Variants in RORB observed in about 807,000 individuals in gnomAD.
The protein encoded by RORB is nuclear receptor ROR-beta.
Under a neutral mutation model 59.1 loss-of-function variants are expected in RORB, and 6 were observed. The ratio of observed to expected loss-of-function variants is 0.10; its 90% CI spans 0.06 to 0.20. RORB has a LOEUF of 0.20. Ranked by LOEUF, RORB falls within the 10% of genes least tolerant of loss-of-function variation. The pLI is 1.00. For missense variants in RORB, 320 were observed against 560.5 expected, an observed-to-expected ratio of 0.57 and a Z score of 4.33; for synonymous variants, 215 against 204.5, an observed-to-expected ratio of 1.05 and a Z score of -0.44.
At chr9:74,623,094 C>CA (rs1279961167) in intron 1 of RORB, among the ~76,000 whole-genome samples, 3 of 152,144 alleles carry the variant, frequency 2.0e-5, no homozygotes, top group Non-Finnish European at 4.4e-5. Context: ...TTGCTGGTTT[C>CA]AAAAAACTGC....
intron 1 of RORB, among the ~76,000 whole-genome samples, chr9:74,598,242 C>T (rs1423113012): frequency 6.6e-6 from 1 of 152,148 alleles, no homozygotes. Flanking sequence ...TCTAAGGCCA[C>T]TTACATCTCT....
intron 4 of RORB, among the ~76,000 whole-genome samples, chr9:74,657,140 G>T (rs1824096838): frequency 6.6e-6 from 1 of 152,186 alleles, no homozygotes; most frequent in Non-Finnish European, 1.5e-5. Flanking sequence ...CCGACTCCCT[G>T]CTTCAAGGGA....
intron 1 of RORB, among the ~76,000 whole-genome samples, chr9:74,610,180 C>A (rs1823213310): frequency 6.6e-6 from 1 of 152,168 alleles, no homozygotes; most frequent in Non-Finnish European, 1.5e-5. Flanking sequence ...TTTTACTGTA[C>A]CTCATAAAGA....
At chr9:74,632,024 A>G (rs559787261) in intron 2 of RORB, among the ~76,000 whole-genome samples, 2 of 152,312 alleles carry the variant, frequency 1.3e-5, no homozygotes, top group South Asian at 4.1e-4. Context: ...TGGTTTACAT[A>G]ATATCTACTA....
At chr9:74,554,874 T>C (rs1264382839) in intron 1 of RORB, among the ~76,000 whole-genome samples, 1 of 152,176 alleles carries the variant, frequency 6.6e-6, no homozygotes, top group Non-Finnish European at 1.5e-5. Context: ...AGCATCTCCT[T>C]TCTATAGTTG....
At chr9:74,573,117 G>A (rs1478097998) in intron 1 of RORB, among the ~76,000 whole-genome samples, 1 of 152,108 alleles carries the variant, frequency 6.6e-6, no homozygotes, top group Non-Finnish European at 1.5e-5. Flanking sequence ...AATTACTGAA[G>A]ACTAGACAGT....
chr9:74,648,461 T>C (rs1374024247), intron 4 of RORB, among the ~76,000 whole-genome samples: 1 of 152,214 alleles, frequency 6.6e-6, no homozygotes, highest in Non-Finnish European at 1.5e-5. Flanking sequence ...TGTGCATTAA[T>C]ATTCCCCCCT....
chr9:74,503,108 A>G (rs2118017147), intron 1 of RORB, among the ~76,000 whole-genome samples: 1 of 152,206 alleles, frequency 6.6e-6, no homozygotes, highest in Admixed American at 6.5e-5. Flanking sequence ...CTGTTATTCT[A>G]TCTATTCTTA....
chr9:74,685,230 G>A (rs561383678), intron 9 of RORB, among the ~76,000 whole-genome samples: 1 of 143,052 alleles, frequency 7.0e-6, no homozygotes, highest in African/African-American at 2.6e-5. Context: ...CAGGGATCTT[G>A]GTCCTGCTTG....
At chr9:74,566,901 G>A (rs975504463) in intron 1 of RORB, among the ~76,000 whole-genome samples, 10 of 152,248 alleles carry the variant, frequency 6.6e-5, no homozygotes, top group South Asian at 2.1e-4. Flanking sequence ...CCATACTGAC[G>A]TTGTCATTTG....
intron 1 of RORB, among the ~76,000 whole-genome samples, chr9:74,582,439 G>A (rs1272105782): frequency 6.6e-6 from 1 of 152,194 alleles, no homozygotes; most frequent in Non-Finnish European, 1.5e-5. Context: ...GATAAGGAAT[G>A]TGATTGTTAC....
chr9:74,561,243 G>A (rs1244262347), intron 1 of RORB, among the ~76,000 whole-genome samples: 2 of 151,992 alleles, frequency 1.3e-5, no homozygotes, highest in Non-Finnish European at 1.5e-5. Context: ...AATAATCATC[G>A]CTGCATTCTA....
At chr9:74,534,741 G>T (rs1225790147) in intron 1 of RORB, among the ~76,000 whole-genome samples, 1 of 152,010 alleles carries the variant, frequency 6.6e-6, no homozygotes, top group African/African-American at 2.4e-5. Context: ...CCCTATGGTG[G>T]ATACAGAGGA....
At chr9:74,606,651 T>C (rs1260855593) in intron 1 of RORB, among the ~76,000 whole-genome samples, 1 of 152,214 alleles carries the variant, frequency 6.6e-6, no homozygotes, top group Non-Finnish European at 1.5e-5. Flanking sequence ...AGCTGTCTCC[T>C]GGTGAGTATG....
intron 1 of RORB, among the ~76,000 whole-genome samples, chr9:74,605,893 A>T (rs1200416465): frequency 6.6e-6 from 1 of 152,180 alleles, no homozygotes; most frequent in Non-Finnish European, 1.5e-5. Flanking sequence ...TATCATGTTC[A>T]TTCCTAGGGT....
In RORB at chr9:74,692,904, T is replaced by G. The variant is rs1824769285; in HGVS notation, c.*7286T>G. The G allele has an allele frequency of 6.6e-6, 1 of 152,182 alleles. No homozygotes were observed. The highest frequency in any genetic ancestry group is 1.5e-5 in the Non-Finnish European group (1 of 68,016). 9.4% of individuals were successfully genotyped at this position (152,182 alleles called of 1,614,324 possible). On this transcript the variant is annotated 3_prime_UTR_variant, in exon 10 of 10. Transcript: ENST00000376896. The stretch of plus-strand genomic sequence containing the variant: ...TGTGTATGTGAGTAAAACTGCAGCC[T>G]GAGTCATTTAGGAAGTAAGTATTGA...
intron 1 of RORB, among the ~76,000 whole-genome samples, chr9:74,626,886 G>A (rs966676069): frequency 6.6e-6 from 1 of 152,202 alleles, no homozygotes. Context: ...AGTATAGACC[G>A]GGCATGGTGG....
chr9:74,516,940 A>T (rs775006201), intron 1 of RORB, among the ~76,000 whole-genome samples: 1 of 151,976 alleles, frequency 6.6e-6, no homozygotes, highest in Admixed American at 6.6e-5. Flanking sequence ...TGTTTTTTAC[A>T]TAGCTGTGGA....
intron 1 of RORB, among the ~76,000 whole-genome samples, chr9:74,567,166 C>A (rs961947422): frequency 3.9e-5 from 6 of 152,026 alleles, no homozygotes; most frequent in Admixed American, 2.6e-4. Context: ...CCTGGAAATA[C>A]ACGCACACAC....
Sources: allele counts gnomAD v4.1 joint callset (sites outside exome capture counted in the v4.1 genomes callset), GRCh38; gene constraint gnomAD v4.1.1; transcripts MANE v1.5; gene names NCBI Gene and HGNC (gene_info 2026-07-23, HGNC 2026-07-21).